SLCO3A1: variants seen among roughly 807,000 people sequenced by gnomAD.
SLCO3A1 encodes PGE1 transporter.
Under a neutral mutation model 63.1 loss-of-function variants are expected in SLCO3A1, and 27 were observed. The observed-to-expected ratio is 0.43, with a 90% CI of 0.32 to 0.59. The LOEUF (loss-of-function observed/expected upper bound fraction) is 0.59. Among genes scored for constraint, SLCO3A1 ranks in the 20% least tolerant of loss-of-function variants. The pLI, the probability that SLCO3A1 is intolerant of heterozygous loss-of-function variation, is 0.09. For missense variants in SLCO3A1, 773 were observed against 945.8 expected, an observed-to-expected ratio of 0.82 and a Z score of 2.40; for synonymous variants, 473 against 409.9, an observed-to-expected ratio of 1.15 and a Z score of -1.86.
chr15:91,992,416 C>T (rs192609692), intron 2 of SLCO3A1, among the ~76,000 whole-genome samples: 2 of 152,162 alleles, frequency 1.3e-5, no homozygotes, highest in East Asian at 1.9e-4. Context: ...AGGTTATGAC[C>T]GCCAGTGACT....
chr15:91,908,921 C>T lies in SLCO3A1; in HGVS notation c.181-7072C>T, dbSNP rs376599076. Among the ~76,000 whole-genome samples the T allele has an allele frequency of 2.0e-5, 3 of 152,034 alleles. No individual in the cohort carries two copies. The South Asian group carries it at 6.2e-4, about 32-fold the overall frequency. On this transcript the variant is annotated intron_variant, in intron 1 of 9. Transcript: ENST00000318445. ...ACTAAAAATACAAAAATTAGCTGGG[C>T]GTGGTGGCGGGTGCCTGTAATCCCA...
At chr15:92,143,712 C>T (rs1310509906) in intron 7 of SLCO3A1, among the ~76,000 whole-genome samples, 3 of 150,532 alleles carry the variant, frequency 2.0e-5, no homozygotes, top group African/African-American at 4.9e-5. Flanking sequence ...AATAGGGTGC[C>T]GTTACTAAGG....
chr15:91,866,904 G>A (rs1013930263), intron 1 of SLCO3A1, among the ~76,000 whole-genome samples: 2 of 152,176 alleles, frequency 1.3e-5, no homozygotes, highest in Non-Finnish European at 2.9e-5. Flanking sequence ...GGGTAGACTG[G>A]TCGGAGATAT....
At chr15:91,903,368 C>G (rs1898208631) in intron 1 of SLCO3A1, among the ~76,000 whole-genome samples, 1 of 152,236 alleles carries the variant, frequency 6.6e-6, no homozygotes, top group African/African-American at 2.4e-5. Context: ...TGTACACTTG[C>G]ATTTCCAATC....
intron 2 of SLCO3A1, among the ~76,000 whole-genome samples, chr15:92,089,125 A>C (rs1451779052): frequency 2.6e-5 from 4 of 151,950 alleles, no homozygotes; most frequent in Non-Finnish European, 4.4e-5. Context: ...TCCTGGGTTC[A>C]CGCCATTCTC....
At chr15:91,992,610 C>T (rs1275052334) in intron 2 of SLCO3A1, among the ~76,000 whole-genome samples, 2 of 152,184 alleles carry the variant, frequency 1.3e-5, no homozygotes, top group Non-Finnish European at 2.9e-5. Context: ...ATTGTGCTGT[C>T]GCTAGGCCTC....
intron 2 of SLCO3A1, among the ~76,000 whole-genome samples, chr15:91,957,439 C>G (rs894755099): frequency 7.2e-5 from 11 of 151,956 alleles, no homozygotes; most frequent in Admixed American, 2.0e-4. Flanking sequence ...ATGAGGCCCT[C>G]TGTGATGGGG....
intron 1 of SLCO3A1, among the ~76,000 whole-genome samples, chr15:91,884,771 A>G (rs1194049510): frequency 3.3e-5 from 5 of 151,888 alleles, no homozygotes; most frequent in Admixed American, 6.6e-5. Context: ...CATCATTGGA[A>G]TTATTTGTTT....
exon 11 of SLCO3A1, chr15:92,171,804 C>T: frequency 1.3e-6 from 2 of 1,551,522 alleles, no homozygotes; most frequent in Non-Finnish European, 1.7e-6. Context: ...GACATTGAGA[C>T]TGAGAAAACC....
At position 92,033,858 on chromosome 15, in the gene SLCO3A1, C is replaced by T; in HGVS notation, c.647-61023C>T. Among the ~76,000 whole-genome samples, 1 of 152,108 alleles carries T rather than the reference C, an allele frequency of 6.6e-6. No individual in the cohort carries two copies. Among genetic ancestry groups the T allele is most frequent in the Non-Finnish European group, 1.5e-5 (1 of 68,008 alleles). Reference sequence around the variant, plus strand: ...GCCGGGAGGTTATCTGGAGGAAAAACATTCCAGACAGACCAGTGAGGGCTG... The same window carrying T: ...GCCGGGAGGTTATCTGGAGGAAAAATATTCCAGACAGACCAGTGAGGGCTG... On this transcript the variant is annotated intron_variant, in intron 2 of 9. Coordinates refer to ENST00000318445, the MANE Select transcript of SLCO3A1 (RefSeq NM_013272.4). The surrounding 1 kb of genome is among the most constrained non-coding windows in gnomAD (Gnocchi z 4.5).
intron 2 of SLCO3A1, among the ~76,000 whole-genome samples, chr15:92,016,066 A>G (rs1024750481): frequency 2.0e-5 from 3 of 152,158 alleles, no homozygotes; most frequent in African/African-American, 7.2e-5. Flanking sequence ...TCTGCTAGAC[A>G]TTATAGGGTT....
chr15:92,019,655 C>T (rs913765698), intron 2 of SLCO3A1, among the ~76,000 whole-genome samples: 1 of 152,228 alleles, frequency 6.6e-6, no homozygotes, highest in Non-Finnish European at 1.5e-5. Context: ...CAGAACCCTC[C>T]TCTTGAAGCC....
chr15:91,878,123 CTT>C (rs1466359207), intron 1 of SLCO3A1, among the ~76,000 whole-genome samples: 4 of 120,444 alleles, frequency 3.3e-5, no homozygotes, highest in Admixed American at 1.1e-4. Context: ...GAGTTTTGCT[CTT>C]GTCTCCTAGC....
At position 91,862,827 on chromosome 15, in the gene SLCO3A1, A is replaced by G. The variant is rs1203763304; in HGVS notation, c.180+8739A>G. The stretch of plus-strand genomic sequence containing the variant: ...GGTTGATGTAGGGAGAAGTGTCACA[A>G]TGATGTTTTTCATTTAAAGACTACT... On this transcript the variant is annotated intron_variant, in intron 1 of 9. Coordinates refer to ENST00000318445, the MANE Select transcript of SLCO3A1 (RefSeq NM_013272.4). This position sits in a 1 kb window ranked among gnomAD's most constrained non-coding sequence, Gnocchi z 4.0. 2.0e-5 allele frequency among the ~76,000 whole-genome samples: 3 copies of G among 152,220 alleles called. No homozygotes were observed. Among genetic ancestry groups the G allele is most frequent in the African/African-American group, 7.2e-5 (3 of 41,452 alleles).
chr15:92,044,691 C>A lies in SLCO3A1; in HGVS notation c.647-50190C>A, dbSNP rs149103490. On this transcript the variant is annotated intron_variant, in intron 2 of 9. Transcript: ENST00000318445. ...CACGGAATTGCTCTTCTTAAGTCGT[C>A]ACCTGCCTAGGAGGCTGCAGTGGCT... 4.6e-5 allele frequency among the ~76,000 whole-genome samples: 7 copies of A among 152,280 alleles called. No individual in the cohort carries two copies. In the East Asian group the frequency reaches 1.2e-3, roughly 25 times the overall value.
chr15:92,089,016 T>G (rs1388816541), intron 2 of SLCO3A1, among the ~76,000 whole-genome samples: 1 of 148,016 alleles, frequency 6.8e-6, no homozygotes, highest in Non-Finnish European at 1.5e-5. Context: ...TTATTATTTA[T>G]TTATTTATTT....
At chr15:91,961,933 G>A (rs1900462368) in intron 2 of SLCO3A1, among the ~76,000 whole-genome samples, 1 of 152,170 alleles carries the variant, frequency 6.6e-6, no homozygotes, top group South Asian at 2.1e-4. Context: ...TGAAAACCCT[G>A]GGACAGAGGT....
intron 2 of SLCO3A1, among the ~76,000 whole-genome samples, chr15:92,032,686 A>G (rs2046668376): frequency 6.6e-6 from 1 of 152,158 alleles, no homozygotes; most frequent in Non-Finnish European, 1.5e-5. Flanking sequence ...AGCATCTTGC[A>G]GGTGCAGAGG....
chr15:91,858,897 A>G (rs957647489), intron 1 of SLCO3A1, among the ~76,000 whole-genome samples: 3 of 152,260 alleles, frequency 2.0e-5, no homozygotes, highest in African/African-American at 7.2e-5. Flanking sequence ...TGCAAAAATG[A>G]TGAGGATACA....
Sources: allele counts gnomAD v4.1 joint callset (sites outside exome capture counted in the v4.1 genomes callset), GRCh38; gene constraint gnomAD v4.1.1; non-coding constraint Gnocchi (gnomAD v3.1); transcripts MANE v1.5; gene names NCBI Gene and HGNC (gene_info 2026-07-23, HGNC 2026-07-21).